Variants in PCDH9 observed in about 807,000 individuals in gnomAD.
PCDH9 encodes the protein protocadherin 9.
A neutral mutation model predicts 70.6 loss-of-function variants in PCDH9; 24 were observed. The ratio of observed to expected loss-of-function variants is 0.34; its 90% CI spans 0.25 to 0.48. The LOEUF (loss-of-function observed/expected upper bound fraction) is 0.48. Among genes scored for constraint, PCDH9 ranks in the 20% least tolerant of loss-of-function variants. The pLI is 0.99. For synonymous variants in PCDH9, 562 were observed against 558.5 expected (o/e 1.01, Z -0.09); for missense variants, 1,281 against 1,503.6 (o/e 0.85, Z 2.45).
intron 4 of PCDH9, among the ~76,000 whole-genome samples, chr13:66,377,109 A>G (rs1363698720): frequency 1.3e-5 from 2 of 152,214 alleles, no homozygotes; most frequent in South Asian, 2.1e-4. Context: ...AGAAATCACC[A>G]TATCTGTGAA....
At chr13:66,550,280 A>G (rs9540808) in intron 4 of PCDH9, among the ~76,000 whole-genome samples, 80,874 of 151,808 alleles carry the variant, frequency 0.53, 22,032 homozygotes, top group East Asian at 0.67. Flanking sequence ...CTTATTATGA[A>G]ATAGAAATTA....
At chr13:66,674,880 T>C (rs1190892033) in intron 3 of PCDH9, among the ~76,000 whole-genome samples, 1 of 152,138 alleles carries the variant, frequency 6.6e-6, no homozygotes, top group Non-Finnish European at 1.5e-5. Flanking sequence ...CAAAGTGTGG[T>C]TCATTTATGC....
chr13:66,845,117 C>T (rs1321743900), intron 3 of PCDH9, among the ~76,000 whole-genome samples: 1 of 152,150 alleles, frequency 6.6e-6, no homozygotes, highest in Non-Finnish European at 1.5e-5. Context: ...GCCTTCAAGC[C>T]GCCCTGGCTT....
intron 4 of PCDH9, among the ~76,000 whole-genome samples, chr13:66,416,827 G>A (rs1349042769): frequency 2.0e-5 from 3 of 152,180 alleles, no homozygotes; most frequent in South Asian, 2.1e-4. Context: ...ATGCCAAAGA[G>A]AGAATTTGTT....
At chr13:67,005,878 TTAGATGAC>T (rs1387550150) in intron 2 of PCDH9, among the ~76,000 whole-genome samples, 1 of 152,206 alleles carries the variant, frequency 6.6e-6, no homozygotes, top group African/African-American at 2.4e-5. Context: ...AATGGCCTTT[TTAGATGAC>T]TAATCTAAAA....
intron 4 of PCDH9, among the ~76,000 whole-genome samples, chr13:66,367,710 C>T (rs1184120562): frequency 6.6e-6 from 1 of 152,060 alleles, no homozygotes; most frequent in African/African-American, 2.4e-5. Flanking sequence ...AAATAGATAA[C>T]CAGGAAAGTA....
At chr13:66,554,374 C>T (rs1171024034) in intron 4 of PCDH9, among the ~76,000 whole-genome samples, 2 of 151,782 alleles carry the variant, frequency 1.3e-5, no homozygotes, top group Admixed American at 6.6e-5. Context: ...AAATCTTTTC[C>T]CAAGAGGTAG....
intron 4 of PCDH9, among the ~76,000 whole-genome samples, chr13:66,433,273 C>T (rs933495749): frequency 7.9e-5 from 12 of 151,802 alleles, no homozygotes; most frequent in African/African-American, 1.9e-4. Flanking sequence ...AATTTAAATG[C>T]CTTTGAAATT....
Position 66,374,016 on chromosome 13 carries a change from G to A in PCDH9, c.3341-68988C>T, listed in dbSNP as rs542980393. Among the ~76,000 whole-genome samples, 9 of 152,180 alleles carry A rather than the reference G, an allele frequency of 5.9e-5. 1 individual carries two copies. The highest frequency in any genetic ancestry group is 1.4e-4 in the African/African-American group (6 of 41,540). On this transcript the variant is annotated intron_variant, in intron 4 of 4. Transcript: ENST00000377865. ...ATTATCATCTGCCGACCTCCTTGAT[G>A]GGTTTTGTGTAAACAATGATAATTG... is the stretch of plus-strand genomic sequence containing the variant.
At chr13:67,115,669 A>C (rs899096964) in intron 2 of PCDH9, among the ~76,000 whole-genome samples, 1 of 151,692 alleles carries the variant, frequency 6.6e-6, no homozygotes, top group Non-Finnish European at 1.5e-5. Context: ...TTGATTGATT[A>C]TCCGCCTCTG....
intron 3 of PCDH9, among the ~76,000 whole-genome samples, chr13:66,727,652 C>G (rs1340531934): frequency 6.6e-6 from 1 of 152,044 alleles, no homozygotes; most frequent in Non-Finnish European, 1.5e-5. Flanking sequence ...TAGATATAGA[C>G]TAGATATAGA....
At chr13:66,494,655 A>G (rs1959084983) in intron 4 of PCDH9, among the ~76,000 whole-genome samples, 1 of 152,128 alleles carries the variant, frequency 6.6e-6, no homozygotes, top group Admixed American at 6.6e-5. Context: ...CACACCCTTT[A>G]AGGTATGTAC....
At chr13:66,573,049 C>A (rs1440710624) in intron 4 of PCDH9, among the ~76,000 whole-genome samples, 2 of 152,104 alleles carry the variant, frequency 1.3e-5, no homozygotes, top group African/African-American at 4.8e-5. Context: ...ACAATACAAA[C>A]AACAGTATAC....
intron 2 of PCDH9, among the ~76,000 whole-genome samples, chr13:67,176,318 T>C (rs551715556): frequency 8.5e-5 from 13 of 152,192 alleles, no homozygotes; most frequent in Middle Eastern, 3.4e-3. Flanking sequence ...CAGGGGCCCA[T>C]AAATCTTTTC....
intron 2 of PCDH9, among the ~76,000 whole-genome samples, chr13:67,130,430 C>A (rs1364004558): frequency 6.6e-6 from 1 of 151,592 alleles, no homozygotes; most frequent in Non-Finnish European, 1.5e-5. Flanking sequence ...CTTAATAGAT[C>A]TAAAATCTAA....
intron 2 of PCDH9, among the ~76,000 whole-genome samples, chr13:67,112,276 A>C (rs1405691994): frequency 6.6e-6 from 1 of 152,214 alleles, no homozygotes; most frequent in Non-Finnish European, 1.5e-5. Flanking sequence ...CATTTGACAC[A>C]TTATATGTAT....
intron 3 of PCDH9, among the ~76,000 whole-genome samples, chr13:66,668,260 A>T (rs201018832): frequency 2.6e-5 from 4 of 152,274 alleles, no homozygotes; most frequent in Non-Finnish European, 5.9e-5. Flanking sequence ...AACCTTTCTT[A>T]TAAAGGCATG....
At chr13:66,983,113 G>T (rs1245252310) in intron 2 of PCDH9, among the ~76,000 whole-genome samples, 1 of 152,180 alleles carries the variant, frequency 6.6e-6, no homozygotes, top group African/African-American at 2.4e-5. Flanking sequence ...GCTAATGGAT[G>T]CTAAGCTTAA....
intron 2 of PCDH9, among the ~76,000 whole-genome samples, chr13:67,066,531 G>T (rs193040799): frequency 1.1e-3 from 175 of 152,308 alleles, no homozygotes; most frequent in Admixed American, 2.0e-3. Context: ...ACCGCACCCG[G>T]CCTGGGTTAG....
Sources: gnomAD v4.1 joint callset for allele counts (sites outside exome capture counted in the v4.1 genomes callset) on GRCh38, gnomAD v4.1.1 for gene constraint, MANE v1.5 for transcripts, NCBI Gene and HGNC (gene_info 2026-07-23, HGNC 2026-07-21) for gene names.